CACNA2D3: variants seen among roughly 807,000 people sequenced by gnomAD.
CACNA2D3 encodes calcium voltage-gated channel auxiliary subunit alpha2delta 3, also known as voltage-dependent calcium channel subunit alpha-2/delta-3.
Under a neutral mutation model 160.6 loss-of-function variants are expected in CACNA2D3, and 60 were observed. The observed-to-expected ratio is 0.37, with a 90% CI of 0.30 to 0.46. CACNA2D3 has a LOEUF of 0.46. Among genes scored for constraint, CACNA2D3 ranks in the 20% least tolerant of loss-of-function variants. The pLI is 1.00. For missense variants in CACNA2D3, 1,205 were observed against 1,365.0 expected, an observed-to-expected ratio of 0.88 and a Z score of 1.85; for synonymous variants, 558 against 492.9, an observed-to-expected ratio of 1.13 and a Z score of -1.75.
chr3:54,862,539 A>G (rs1699314915), intron 17 of CACNA2D3, among the ~76,000 whole-genome samples: 1 of 152,136 alleles, frequency 6.6e-6, no homozygotes, highest in Non-Finnish European at 1.5e-5. Context: ...GCATCCCTTT[A>G]TTAACTTCAC....
At chr3:55,028,525 T>A (rs930521903) in intron 35 of CACNA2D3, among the ~76,000 whole-genome samples, 3 of 152,216 alleles carry the variant, frequency 2.0e-5, no homozygotes, top group Non-Finnish European at 2.9e-5. Context: ...CTAAAAAGGA[T>A]GTAATGTTTT....
intron 27 of CACNA2D3, among the ~76,000 whole-genome samples, chr3:54,902,484 A>G (rs1700357737): frequency 1.3e-5 from 2 of 152,142 alleles, no homozygotes; most frequent in Admixed American, 6.5e-5. Flanking sequence ...GGCCTATGAC[A>G]TTGCTTACAG....
intron 11 of CACNA2D3, among the ~76,000 whole-genome samples, chr3:54,678,719 T>TAAAAAAAA (rs1700286309): frequency 9.6e-5 from 1 of 10,470 alleles, no homozygotes; most frequent in African/African-American, 2.4e-4. Flanking sequence ...AGACTCGGTC[T>TAAAAAAAA]CAAAAAAAAA....
intron 13 of CACNA2D3, among the ~76,000 whole-genome samples, chr3:54,785,453 TA>T (rs1213387783): frequency 3.9e-5 from 6 of 152,214 alleles, no homozygotes; most frequent in African/African-American, 1.4e-4. Context: ...TCATTTTATT[TA>T]TTTTTTTTGG....
chr3:54,805,554 TAATC>T (rs1181251068), intron 13 of CACNA2D3, among the ~76,000 whole-genome samples: 1 of 152,164 alleles, frequency 6.6e-6, no homozygotes, highest in African/African-American at 2.4e-5. Flanking sequence ...ATTGTGGCAA[TAATC>T]AATAGCTTAC....
intron 11 of CACNA2D3, among the ~76,000 whole-genome samples, chr3:54,750,889 C>T (rs1038085515): frequency 2.0e-5 from 3 of 151,946 alleles, no homozygotes; most frequent in African/African-American, 7.3e-5. Flanking sequence ...CCTGCCTCAG[C>T]CTCCCGAGTA....
chr3:54,647,687 C>T (rs1575404536), intron 11 of CACNA2D3, among the ~76,000 whole-genome samples: 1 of 152,198 alleles, frequency 6.6e-6, no homozygotes, highest in East Asian at 1.9e-4. Context: ...AAGCTGCCTA[C>T]CATCCAACAG....
intron 9 of CACNA2D3, among the ~76,000 whole-genome samples, chr3:54,604,043 T>A (rs1646305342): frequency 1.3e-5 from 2 of 152,198 alleles, no homozygotes; most frequent in Non-Finnish European, 2.9e-5. Flanking sequence ...TTATTTTTTA[T>A]TTTTTGCTAT....
intron 13 of CACNA2D3, among the ~76,000 whole-genome samples, chr3:54,784,510 A>T (rs1292646577): frequency 2.0e-5 from 3 of 151,972 alleles, no homozygotes; most frequent in Non-Finnish European, 4.4e-5. Context: ...TAAAGAAGAG[A>T]TGATCAAATG....
chr3:54,333,717 C>G (rs190549607), intron 3 of CACNA2D3, among the ~76,000 whole-genome samples: 34 of 152,212 alleles, frequency 2.2e-4, no homozygotes, highest in Admixed American at 6.5e-4. Flanking sequence ...AAGCAAAGAG[C>G]CTGCTTTTTA....
chr3:55,006,483 A>G (rs1192285752), intron 32 of CACNA2D3, among the ~76,000 whole-genome samples: 1 of 152,190 alleles, frequency 6.6e-6, no homozygotes, highest in East Asian at 1.9e-4. Context: ...TGAAAGCAAG[A>G]TGATTATTTT....
chr3:54,784,498 A>C (rs1245393018), intron 13 of CACNA2D3, among the ~76,000 whole-genome samples: 1 of 151,904 alleles, frequency 6.6e-6, no homozygotes, highest in Non-Finnish European at 1.5e-5. Context: ...ACTTTGTCTT[A>C]TTAAAGAAGA....
At chr3:54,160,932 CG>C (rs1485109529) in intron 2 of CACNA2D3, among the ~76,000 whole-genome samples, 2 of 152,038 alleles carry the variant, frequency 1.3e-5, no homozygotes, top group African/African-American at 4.8e-5. Context: ...ACCATTTTGC[CG>C]AAAGAAAAAC....
In CACNA2D3 at chr3:55,017,365, T is replaced by C. The variant is rs375288926; in HGVS notation, c.2876-841T>C. On this transcript the variant is annotated intron_variant, in intron 34 of 37. Transcript: ENST00000474759. The stretch of plus-strand genomic sequence containing the variant: ...CTTAACCACTATACTATAGTGTCTA[T>C]CATTATTGTCATCATTATAATGTCA... Among the ~76,000 whole-genome samples the C allele has an allele frequency of 3.8e-3, 583 of 152,318 alleles. 3 individuals are homozygous for C. Among genetic ancestry groups the C allele is most frequent in the African/African-American group, 0.014 (562 of 41,562 alleles).
chr3:54,956,167 C>A (rs1701888226), intron 27 of CACNA2D3, among the ~76,000 whole-genome samples: 1 of 152,170 alleles, frequency 6.6e-6, no homozygotes, highest in African/African-American at 2.4e-5. Context: ...TATCTGCCAC[C>A]CAGGTGTTTG....
intron 2 of CACNA2D3, among the ~76,000 whole-genome samples, chr3:54,310,674 TTTC>T (rs1703719564): frequency 6.6e-6 from 1 of 152,146 alleles, no homozygotes. Context: ...TGGTTGCACG[TTTC>T]TTCTTATTGT....
rs1702469779 is a variant in CACNA2D3, at chr3:54,570,074, T to G, written c.858T>G (p.Leu286=). The part of the protein sequence containing the change: ...KQTVSSILDT[L]GDDDFFNIIA... The stretch of plus-strand genomic sequence containing the variant: ...CAGTCTCATCCATTTTGGATACACT[T>G]GGGGATGATGACTTCTTCAACATAA... The change falls in exon 8 of 38, where the codon CTT becomes CTG. Residue 286 remains leucine (L), a synonymous_variant. Coordinates refer to ENST00000474759, the MANE Select transcript of CACNA2D3 (RefSeq NM_018398.3). 4 of 1,613,704 alleles carry G rather than the reference T, an allele frequency of 2.5e-6. No homozygotes were observed. The highest frequency in any genetic ancestry group is 3.4e-6 in the Non-Finnish European group (4 of 1,179,748).
intron 13 of CACNA2D3, among the ~76,000 whole-genome samples, chr3:54,795,652 A>G (rs1010424989): frequency 6.6e-6 from 1 of 152,138 alleles, no homozygotes; most frequent in Non-Finnish European, 1.5e-5. Context: ...TTTGTTGCTC[A>G]ATTATTGAGA....
chr3:54,403,183 G>A (rs1299951800), intron 4 of CACNA2D3, among the ~76,000 whole-genome samples: 1 of 151,700 alleles, frequency 6.6e-6, no homozygotes, highest in Non-Finnish European at 1.5e-5. Flanking sequence ...AGTGAGACCT[G>A]TCTCTGCAAA....
Sources: allele counts gnomAD v4.1 joint callset (sites outside exome capture counted in the v4.1 genomes callset), GRCh38; gene constraint gnomAD v4.1.1; transcripts MANE v1.5; gene names NCBI Gene and HGNC (gene_info 2026-07-23, HGNC 2026-07-21).